Variants in CCDC3 observed in about 807,000 individuals in gnomAD.
The protein encoded by CCDC3 is coiled-coil domain-containing protein 3.
A neutral mutation model predicts 21.4 loss-of-function variants in CCDC3; 24 were observed. The ratio of observed to expected loss-of-function variants is 1.12; its 90% confidence interval spans 0.81 to 1.58. The LOEUF is 1.58. Among genes scored for constraint, CCDC3 ranks in the 40% most tolerant of loss-of-function variants. The probability of loss-of-function intolerance (pLI) is 0.00; values close to 1 mark genes in which losing one functional copy is unlikely to be tolerated. For synonymous variants in CCDC3, 186 were observed against 166.0 expected (o/e 1.12, Z -0.93); for missense variants, 425 against 360.9 (o/e 1.18, Z -1.44).
rs760041673 is a variant in CCDC3 at position 13,001,222 on chromosome 10, C to T, written c.349G>A (p.Asp117Asn). 20 of 1,566,766 alleles carry T rather than the reference C, an allele frequency of 1.3e-5. No homozygotes were observed. The highest frequency in any genetic ancestry group is 3.3e-4 in the Middle Eastern group (2 of 6,018). ...CTGAGGAAGAAGAAATAGGAGTAGT[C>T]CTGGACCACGGTGTGGGAGTGGCAC... ...FSCHSHTVVQ[D>N]YSYFFFLRMD... The change falls in exon 1 of 3, where the codon GAC (aspartate) becomes AAC (asparagine). Residue 117 changes from aspartate to asparagine, a missense_variant. Coordinates refer to ENST00000378825, the MANE Select transcript of CCDC3 (RefSeq NM_031455.4).
chr10:12,931,716 T>C (rs1834646444), intron 2 of CCDC3, among the ~76,000 whole-genome samples: 1 of 152,228 alleles, frequency 6.6e-6, no homozygotes, highest in African/African-American at 2.4e-5. Flanking sequence ...CTGCTTAAAA[T>C]ATGTAGACTC....
At chr10:13,007,982 A>C (rs1835944056) in intron 5 of CCDC3, among the ~76,000 whole-genome samples, 1 of 152,110 alleles carries the variant, frequency 6.6e-6, no homozygotes, top group South Asian at 2.1e-4. Context: ...GTGAACCACA[A>C]GGGGTGAGGG....
intron 5 of CCDC3, among the ~76,000 whole-genome samples, chr10:13,048,772 G>A (rs1836565197): frequency 6.8e-6 from 1 of 147,722 alleles, no homozygotes; most frequent in Admixed American, 7.0e-5. Flanking sequence ...CAGCTGAGAA[G>A]GGATTAAAAT....
intron 2 of CCDC3, among the ~76,000 whole-genome samples, chr10:12,942,241 T>G (rs1025296285): frequency 7.2e-5 from 11 of 152,232 alleles, no homozygotes; most frequent in Non-Finnish European, 1.6e-4. Context: ...GCAAGTAATC[T>G]TAACTTCTTC....
chr10:13,087,420 A>T (rs112747413), intron 3 of CCDC3, among the ~76,000 whole-genome samples: 8 of 149,522 alleles, frequency 5.4e-5, no homozygotes, highest in Middle Eastern at 3.4e-3. Flanking sequence ...AAAAAAAAAA[A>T]TGGTGCTAGG....
At chr10:13,039,142 C>G (rs1221566697) in intron 5 of CCDC3, among the ~76,000 whole-genome samples, 1 of 152,144 alleles carries the variant, frequency 6.6e-6, no homozygotes, top group Non-Finnish European at 1.5e-5. Context: ...AGGAAAAGTA[C>G]TTCGAGCTCA....
chr10:12,921,124 C>A (rs1303079807), intron 2 of CCDC3, among the ~76,000 whole-genome samples: 1 of 152,194 alleles, frequency 6.6e-6, no homozygotes, highest in Non-Finnish European at 1.5e-5. Flanking sequence ...AATAAAACAA[C>A]CTTTCCAGCT....
chr10:12,999,172 G>A (rs565257011), intron 1 of CCDC3, among the ~76,000 whole-genome samples: 33 of 152,260 alleles, frequency 2.2e-4, no homozygotes, highest in African/African-American at 7.2e-4. Context: ...CCTAGGAGGC[G>A]GAGGATGCAG....
At chr10:13,089,967 A>G (rs1485888332) in intron 3 of CCDC3, among the ~76,000 whole-genome samples, 1 of 151,016 alleles carries the variant, frequency 6.6e-6, no homozygotes, top group Non-Finnish European at 1.5e-5. Flanking sequence ...AATAGCCTCC[A>G]ATCTCATCCA....
At chr10:13,060,289 T>C (rs954307765) in intron 4 of CCDC3, among the ~76,000 whole-genome samples, 6 of 152,060 alleles carry the variant, frequency 3.9e-5, no homozygotes, top group African/African-American at 1.2e-4. Flanking sequence ...CAAGATGGCG[T>C]CTGAATTCAG....
chr10:12,917,155 G>A (rs1215908145), intron 2 of CCDC3, among the ~76,000 whole-genome samples: 1 of 140,678 alleles, frequency 7.1e-6, no homozygotes, highest in Non-Finnish European at 1.6e-5. Flanking sequence ...GGGAGGTGAT[G>A]TTGGAAATGT....
chr10:13,039,162 T>TC, intron 5 of CCDC3, among the ~76,000 whole-genome samples: 1 of 152,292 alleles, frequency 6.6e-6, no homozygotes, highest in South Asian at 2.1e-4. Context: ...ACACCTGTAA[T>TC]CCCAGCACTT....
chr10:13,031,305 T>C lies in CCDC3; in HGVS notation c.-2+18369A>G, dbSNP rs929963186. On this transcript the variant is annotated intron_variant, in intron 5 of 6. Transcript: ENST00000378839. The stretch of plus-strand genomic sequence containing the variant: ...ATGTTCTTTGAAACCAACGAGAACA[T>C]AGACACAACATACCAGAATCTCTGG... Among the ~76,000 whole-genome samples, 6 of 151,996 alleles carry C rather than the reference T, an allele frequency of 3.9e-5. No individual in the cohort carries two copies. The East Asian group carries it at 5.8e-4, about 15-fold the overall frequency.
intron 2 of CCDC3, among the ~76,000 whole-genome samples, chr10:12,931,208 CAA>C (rs67541166): frequency 0.15 from 11,017 of 74,266 alleles, 413 homozygotes; most frequent in East Asian, 0.35. Context: ...AAGACTCTGT[CAA>C]AAAAAAAAAA....
At chr10:13,058,471 A>G in intron 4 of CCDC3, 1 of 755,176 alleles carries the variant, frequency 1.3e-6, no homozygotes, top group South Asian at 1.3e-5. Flanking sequence ...TATCCCCCTC[A>G]ATATGGCCTA....
intron 3 of CCDC3, among the ~76,000 whole-genome samples, chr10:13,082,600 C>T (rs773892048): frequency 6.6e-5 from 10 of 152,136 alleles, no homozygotes; most frequent in Non-Finnish European, 1.2e-4. Context: ...ACTCCCTTTC[C>T]CGGTTTGCTA....
In CCDC3 at chr10:12,898,067, G is replaced by A. The variant is rs569620078; in HGVS notation, c.*349C>T. On this transcript the variant is annotated 3_prime_UTR_variant, in exon 3 of 3. Coordinates refer to ENST00000378825, the MANE Select transcript of CCDC3 (RefSeq NM_031455.4). ...GATTTTTTTCTGAAATAAAGGCTAA[G>A]CACGTTGATGTCTTTTACACTAGAG... is the stretch of plus-strand genomic sequence containing the variant. 63 of 238,072 alleles carry A rather than the reference G, an allele frequency of 2.6e-4. No individual in the cohort carries two copies. The highest frequency in any genetic ancestry group is 2.7e-3 in the Middle Eastern group (2 of 728). The allele number at this position is 238,072 out of a possible 1,614,324, so 14.7% of individuals were successfully genotyped here.
At chr10:12,994,501 C>T (rs1238203449) in intron 2 of CCDC3, among the ~76,000 whole-genome samples, 3 of 151,946 alleles carry the variant, frequency 2.0e-5, no homozygotes, top group Non-Finnish European at 1.5e-5. Flanking sequence ...AATTGAAGAT[C>T]GGCACATAAT....
chr10:13,046,302 A>C (rs1588404241), intron 5 of CCDC3, among the ~76,000 whole-genome samples: 1 of 151,808 alleles, frequency 6.6e-6, no homozygotes, highest in South Asian at 2.1e-4. Flanking sequence ...GTTGCTAGGG[A>C]GGCTGAGTTG....
Sources: gnomAD v4.1 joint callset for allele counts (sites outside exome capture counted in the v4.1 genomes callset) on GRCh38, gnomAD v4.1.1 for gene constraint, MANE v1.5 for transcripts, NCBI Gene and HGNC (gene_info 2026-07-23, HGNC 2026-07-21) for gene names.